LY6G5C: variants seen among roughly 807,000 people sequenced by gnomAD.
LY6G5C encodes lymphocyte antigen 6 complex locus protein G5c.
A neutral mutation model predicts 10.5 loss-of-function variants in LY6G5C; 6 were observed. That is an observed-to-expected ratio of 0.57 (90% CI 0.31 to 1.12). The LOEUF (loss-of-function observed/expected upper bound fraction) is 1.12, where lower values mean the gene tolerates loss of function less well. LY6G5C is among the 50% of genes most tolerant of loss of function. The pLI is 0.05. For synonymous variants in LY6G5C, 69 were observed against 67.8 expected (o/e 1.02, Z -0.09); for missense variants, 160 against 185.5 (o/e 0.86, Z 0.80).
At chr6:31,676,873 A>G in exon 3 of LY6G5C, 2 of 1,375,448 alleles carry the variant, frequency 1.5e-6, no homozygotes, top group South Asian at 2.5e-5. Context: ...ATGAGGGACT[A>G]GAAGTCCTGG....
exon 3 of LY6G5C, chr6:31,677,090 C>T (rs1187096221): frequency 6.2e-7 from 1 of 1,612,914 alleles, no homozygotes; most frequent in Non-Finnish European, 8.5e-7. Context: ...CTTACTTCGG[C>T]AGTCACTCAC....
exon 3 of LY6G5C, chr6:31,676,866 A>G (rs1012592514): frequency 7.8e-7 from 1 of 1,286,624 alleles, no homozygotes; most frequent in Non-Finnish European, 1.1e-6. Flanking sequence ...GGCTGGTATG[A>G]GGGACTAGAA....
chr6:31,680,227 C>G lies in LY6G5C; in HGVS notation c.121+26G>C. The G allele has an allele frequency of 6.2e-7, 1 of 1,612,860 alleles. No individual in the cohort carries two copies. The highest frequency in any genetic ancestry group is 8.5e-7 in the Non-Finnish European group (1 of 1,179,988). On this transcript the variant is annotated intron_variant, in intron 1 of 2. Coordinates refer to ENST00000383237, the Ensembl canonical transcript of LY6G5C. This position sits in a 1 kb window ranked among gnomAD's most constrained non-coding sequence, Gnocchi z 4.5. ...GGTTTCTCCATCCAGGCCAGGAGAC[C>G]CTTCTGAACCCTTGGAGCCACTTAC...
rs758986319 is a variant in LY6G5C at position 31,680,292 on chromosome 6, C to T, written c.82G>A (p.Val28Ile). 2.1e-4 allele frequency: 337 copies of T among 1,612,586 alleles called. 5 individuals carry two copies. In the Admixed American group the frequency reaches 5.5e-3, roughly 26 times the overall value. ...ATCATGACCAGCACTATTAAGAGGA[C>T]CGTGTAGAGGGCTTGGGGGCTGCTG... Residue 28 changes from valine (V) to isoleucine (I), a missense_variant, in exon 1 of 3, where the codon GTC becomes ATC. By Grantham distance (29) the Val-to-Ile change is conservative. Transcript: ENST00000383237. This position sits in a 1 kb window ranked among gnomAD's most constrained non-coding sequence, Gnocchi z 4.5.
At chr6:31,677,293 T>A (rs1466599998) in intron 2 of LY6G5C, among the ~76,000 whole-genome samples, 173 bp from the exon 3 acceptor site, 1 of 152,124 alleles carries the variant, frequency 6.6e-6, no homozygotes, top group Non-Finnish European at 1.5e-5. Context: ...GAAGTTCCCA[T>A]GCAAGGCTGG....
chr6:31,677,078 T>C (rs1342716719), exon 3 of LY6G5C: 1 of 1,612,634 alleles, frequency 6.2e-7, no homozygotes, highest in African/African-American at 1.3e-5. Flanking sequence ...ACTCATCTGC[T>C]CCTTACTTCG....
chr6:31,677,882 G>T (rs1031721235), intron 2 of LY6G5C, among the ~76,000 whole-genome samples: 1 of 152,174 alleles, frequency 6.6e-6, no homozygotes, highest in Non-Finnish European at 1.5e-5. Flanking sequence ...AGGGGAGCCA[G>T]GTGGGTTAGG....
At position 31,677,628 on chromosome 6, in the gene LY6G5C, C is replaced by T. The variant is rs549799703; in HGVS notation, c.290-508G>A. ...GGATGGGGAAATCAGCTGTGATATGCGCATGCTATGGAGTAGTATACAGCA... is the reference window on the plus strand; with the variant it reads ...GGATGGGGAAATCAGCTGTGATATGTGCATGCTATGGAGTAGTATACAGCA... On this transcript the variant is annotated intron_variant, in intron 2 of 2. Coordinates refer to ENST00000383237, the Ensembl canonical transcript of LY6G5C. Among the ~76,000 whole-genome samples the T allele has an allele frequency of 2.9e-4, 44 of 152,142 alleles. No homozygotes were observed. The South Asian group carries it at 7.5e-3, about 26-fold the overall frequency.
chr6:31,676,951 G>A (rs1802610053), exon 3 of LY6G5C: 2 of 1,606,752 alleles, frequency 1.2e-6, no homozygotes, highest in Non-Finnish European at 1.7e-6. Flanking sequence ...GTTTGCTGCA[G>A]TCACACTAAG....
rs1426445655 is a variant in LY6G5C at position 31,680,080 on chromosome 6, TTCAGATTGCACATCA to T, written c.121+158_121+172del. ...TAATAATAATAAATTTTTAAAAATC[TTCAGATTGCACATCA>T]GTCCATGAGCAGGCATTCCCTACCA... On this transcript the variant is annotated intron_variant, in intron 1 of 2. Coordinates refer to ENST00000383237, the Ensembl canonical transcript of LY6G5C. The surrounding 1 kb of genome is among the most constrained non-coding windows in gnomAD (Gnocchi z 4.5). 2.0e-5 allele frequency: 13 copies of T among 634,948 alleles called. No individual in the cohort carries two copies. Among genetic ancestry groups the T allele is most frequent in the Non-Finnish European group, 3.0e-5 (11 of 362,644 alleles). 39.3% of individuals were successfully genotyped at this position (634,948 alleles called of 1,614,324 possible).
In LY6G5C at chr6:31,678,979, A is replaced by G. The variant is rs529091276; in HGVS notation, c.289+122T>C. The G allele has an allele frequency of 1.2e-3, 1,400 of 1,139,668 alleles. 22 individuals are homozygous for G. The South Asian group carries it at 0.019, about 16-fold the overall frequency. The allele number at this position is 1,139,668 out of a possible 1,614,324, so 70.6% of individuals were successfully genotyped here. A position where few individuals can be genotyped will look rare whatever the true frequency, so the allele number is the denominator to read the frequency against. On this transcript the variant is annotated intron_variant, in intron 2 of 2. Coordinates refer to ENST00000383237, the Ensembl canonical transcript of LY6G5C. ...TGGGTGACAGAGCAGCAAAAAAAAA[A>G]AGACAGGATTGGAGCAATGTCTTAT...
At chr6:31,680,678 A>G (rs1352824507), upstream of LY6G5C, among the ~76,000 whole-genome samples, 1 of 152,244 alleles carries the variant, frequency 6.6e-6, no homozygotes, top group Non-Finnish European at 1.5e-5. The surrounding 1 kb of genome is among the most constrained non-coding windows in gnomAD (Gnocchi z 4.5). Flanking sequence ...ACAGTCTAGT[A>G]GGGGAGACAA....
chr6:31,676,762 G>A, exon 3 of LY6G5C: 1 of 557,034 alleles, frequency 1.8e-6, no homozygotes, highest in Non-Finnish European at 3.2e-6. Context: ...GGGCAGTAGG[G>A]CTGGGGGTAC....
At chr6:31,677,152 G>C in intron 2 of LY6G5C, 32 bp from the exon 3 acceptor site, 1 of 1,607,454 alleles carries the variant, frequency 6.2e-7, no homozygotes, top group Non-Finnish European at 8.5e-7. Flanking sequence ...CAGTGATACG[G>C]AAGTCCCCAG....
rs1376684717 is a variant in LY6G5C at position 31,679,940 on chromosome 6, G to A, written c.121+313C>T. 4 of 242,252 alleles carry A rather than the reference G, an allele frequency of 1.7e-5. No homozygotes were observed. The highest frequency in any genetic ancestry group is 9.8e-5 in the East Asian group (1 of 10,204). 15.0% of individuals were successfully genotyped at this position (242,252 alleles called of 1,614,324 possible). Reference sequence around the variant, plus strand: ...CTTATGCCTGTAATCCCAGTTATTCGGGAGGCTGAGGCATGAGAATCGCTT... The same window carrying A: ...CTTATGCCTGTAATCCCAGTTATTCAGGAGGCTGAGGCATGAGAATCGCTT... On this transcript the variant is annotated intron_variant, in intron 1 of 2. Transcript: ENST00000383237. The surrounding 1 kb of genome is among the most constrained non-coding windows in gnomAD (Gnocchi z 4.4).
At position 31,679,026 on chromosome 6, in the gene LY6G5C, G is replaced by T; in HGVS notation, c.289+75C>A. The T allele has an allele frequency of 1.4e-6, 2 of 1,455,006 alleles. No homozygotes were observed. Among genetic ancestry groups the T allele is most frequent in the Non-Finnish European group, 1.9e-6 (2 of 1,038,778 alleles). The allele number at this position is 1,455,006 out of a possible 1,614,324, so 90.1% of individuals were successfully genotyped here. A position where few individuals can be genotyped will look rare whatever the true frequency, so the allele number is the denominator to read the frequency against. On this transcript the variant is annotated intron_variant, in intron 2 of 2. Transcript: ENST00000383237. The surrounding 1 kb of genome is among the most constrained non-coding windows in gnomAD (Gnocchi z 4.4). ...TTATGGGATTATGGGAACAAGACTT[G>T]GGGTGCAGCTTAGGAGGCTGAGAGA... is the stretch of plus-strand genomic sequence containing the variant.
chr6:31,679,257 G>A lies in LY6G5C; in HGVS notation c.133C>T (p.Pro45Ser). ...GGTTGAGGGGGTTCCCAATTGACAG[G>A]AACAAACTTACCTAGAACACAGAGA... is the stretch of plus-strand genomic sequence containing the variant. The change falls in exon 2 of 3, where the codon CCT becomes TCT. Residue 45 changes from proline to serine, a missense_variant. Coordinates refer to ENST00000383237, the Ensembl canonical transcript of LY6G5C. The surrounding 1 kb of genome is among the most constrained non-coding windows in gnomAD (Gnocchi z 4.4). 1 of 1,612,870 alleles carries A rather than the reference G, an allele frequency of 6.2e-7. No homozygotes were observed. The highest frequency in any genetic ancestry group is 8.5e-7 in the Non-Finnish European group (1 of 1,179,970).
At position 31,680,061 on chromosome 6, in the gene LY6G5C, T is replaced by A. The variant is rs1011135501; in HGVS notation, c.121+192A>T. 2 of 570,304 alleles carry A rather than the reference T, an allele frequency of 3.5e-6. No individual in the cohort carries two copies. The highest frequency in any genetic ancestry group is 6.2e-6 in the Non-Finnish European group (2 of 324,918). The allele number at this position is 570,304 out of a possible 1,614,324, so 35.3% of individuals were successfully genotyped here. On this transcript the variant is annotated intron_variant, in intron 1 of 2. Coordinates refer to ENST00000383237, the Ensembl canonical transcript of LY6G5C. This position sits in a 1 kb window ranked among gnomAD's most constrained non-coding sequence, Gnocchi z 4.5. ...GACTCCATCTCAAAAATAATAATAA[T>A]AATAAATTTTTAAAAATCTTCAGAT...
chr6:31,676,915 G>A lies in LY6G5C; in HGVS notation c.*42C>T, dbSNP rs1276383239. On this transcript the variant is annotated 3_prime_UTR_variant, in exon 3 of 3. Transcript: ENST00000383237. ...CCAGATAGAAGTCAGGAAGGTGGCTGGAAACTGGTGGAATTTTACACCAAA... is the reference window on the plus strand; with the variant it reads ...CCAGATAGAAGTCAGGAAGGTGGCTAGAAACTGGTGGAATTTTACACCAAA... The A allele has an allele frequency of 8.2e-6, 13 of 1,593,780 alleles. No homozygotes were observed. In the African/African-American group the frequency reaches 1.7e-4, roughly 21 times the overall value.
Sources: gnomAD v4.1 joint callset for allele counts (sites outside exome capture counted in the v4.1 genomes callset) on GRCh38, gnomAD v4.1.1 for gene constraint, Gnocchi (gnomAD v3.1) non-coding constraint, MANE v1.5 for transcripts, NCBI Gene and HGNC (gene_info 2026-07-23, HGNC 2026-07-21) for gene names.